KIF13A: variants seen among roughly 807,000 people sequenced by gnomAD.
KIF13A encodes the protein kinesin-like protein KIF13A.
In KIF13A, 79 loss-of-function variants were observed where a neutral mutation model predicts 212.2. The observed-to-expected ratio is 0.37, with a 90% CI of 0.31 to 0.45. The LOEUF is 0.45. KIF13A is among the 20% of genes least tolerant of loss of function. The pLI, the probability that KIF13A is intolerant of heterozygous loss-of-function variation, is 1.00. For missense variants in KIF13A, 1,901 were observed against 2,209.0 expected (o/e 0.86, Z 2.79); for synonymous variants, 789 against 808.6 (o/e 0.98, Z 0.41).
chr6:17,812,856 T>C (rs1336155792), intron 17 of KIF13A, among the ~76,000 whole-genome samples: 3 of 152,226 alleles, frequency 2.0e-5, no homozygotes, highest in Admixed American at 6.5e-5. Context: ...TTTTGACTTT[T>C]TAATAATAGC....
At chr6:17,952,944 G>A (rs1387370512) in intron 2 of KIF13A, among the ~76,000 whole-genome samples, 22 of 150,236 alleles carry the variant, frequency 1.5e-4, no homozygotes, top group Non-Finnish European at 2.8e-4. Context: ...AAAAAAAAGA[G>A]AAGCGAAGCG....
chr6:17,816,924 T>C lies in KIF13A; in HGVS notation c.2000+96A>G. The C allele has an allele frequency of 2.2e-6, 2 of 889,470 alleles. No individual in the cohort carries two copies. Among genetic ancestry groups the C allele is most frequent in the South Asian group, 3.4e-5 (2 of 58,910 alleles). 55.1% of individuals were successfully genotyped at this position (889,470 alleles called of 1,614,324 possible). A position where few individuals can be genotyped will look rare whatever the true frequency, so the allele number is the denominator to read the frequency against. On this transcript the variant is annotated intron_variant, in intron 17 of 38. Coordinates refer to ENST00000259711, the MANE Select transcript of KIF13A (RefSeq NM_022113.6). This position sits in a 1 kb window ranked among gnomAD's most constrained non-coding sequence, Gnocchi z 4.3. ...CGTATGGGATTAAGAGTTCTCTTGT[T>C]GCTAGGTTTGTCCCTGACATGTCTC... is the stretch of plus-strand genomic sequence containing the variant.
intron 2 of KIF13A, among the ~76,000 whole-genome samples, chr6:17,949,547 G>A (rs1484618151): frequency 6.6e-6 from 1 of 151,882 alleles, no homozygotes; most frequent in Non-Finnish European, 1.5e-5. Flanking sequence ...GGGGTAAAGA[G>A]GAGACAGGAA....
intron 14 of KIF13A, among the ~76,000 whole-genome samples, chr6:17,827,097 A>AT (rs1342649511): frequency 2.0e-5 from 3 of 151,214 alleles, no homozygotes; most frequent in African/African-American, 7.3e-5. Context: ...AAATAAAATA[A>AT]TTTTTTTTCT....
intron 2 of KIF13A, among the ~76,000 whole-genome samples, chr6:17,903,996 T>TA (rs112257911): frequency 2.2e-4 from 31 of 140,494 alleles, no homozygotes; most frequent in South Asian, 9.0e-4. Context: ...TTACTAAAAA[T>TA]AAAAAAAAAA....
intron 16 of KIF13A, among the ~76,000 whole-genome samples, chr6:17,822,105 T>C (rs945764946): frequency 1.3e-5 from 2 of 151,016 alleles, no homozygotes; most frequent in Admixed American, 6.7e-5. Flanking sequence ...AATGGTGCGA[T>C]CTCAGCTCTA....
At chr6:17,791,115 T>C (rs1339937291) in intron 25 of KIF13A, among the ~76,000 whole-genome samples, 1 of 152,100 alleles carries the variant, frequency 6.6e-6, no homozygotes, top group Non-Finnish European at 1.5e-5. Flanking sequence ...CTGCTTTTTT[T>C]TTTTTTTTAG....
chr6:17,914,394 T>A lies in KIF13A; in HGVS notation c.147-16214A>T, dbSNP rs778508220. Among the ~76,000 whole-genome samples, 1 of 152,034 alleles carries A rather than the reference T, an allele frequency of 6.6e-6. No individual in the cohort carries two copies. Among genetic ancestry groups the A allele is most frequent in the Non-Finnish European group, 1.5e-5 (1 of 68,000 alleles). ...AACCAGTTAATATAATTAAAAAAAA[T>A]TACAATAAAATACAAAACTTGAGAT... On this transcript the variant is annotated intron_variant, in intron 2 of 38. Coordinates refer to ENST00000259711, the MANE Select transcript of KIF13A (RefSeq NM_022113.6). The surrounding 1 kb of genome is among the most constrained non-coding windows in gnomAD (Gnocchi z 5.9).
At chr6:17,867,128 A>G (rs921401004) in intron 4 of KIF13A, among the ~76,000 whole-genome samples, 2 of 151,894 alleles carry the variant, frequency 1.3e-5, no homozygotes, top group Admixed American at 1.3e-4. Flanking sequence ...ATTTGCTCCT[A>G]AACTGTTCTA....
chr6:17,769,265 C>T lies in KIF13A; in HGVS notation c.4581+1849G>A, dbSNP rs1293295020. 1.3e-5 allele frequency among the ~76,000 whole-genome samples: 2 copies of T among 152,200 alleles called. No individual in the cohort carries two copies. The highest frequency in any genetic ancestry group is 2.9e-5 in the Non-Finnish European group (2 of 68,030). ...AATGCACTTAATCTCTACCAAAACACCTTGAAAAACTGCTGTCTGGAATGA... is the reference window on the plus strand; with the variant it reads ...AATGCACTTAATCTCTACCAAAACATCTTGAAAAACTGCTGTCTGGAATGA... On this transcript the variant is annotated intron_variant, in intron 38 of 38. Coordinates refer to ENST00000259711, the MANE Select transcript of KIF13A (RefSeq NM_022113.6). This position sits in a 1 kb window ranked among gnomAD's most constrained non-coding sequence, Gnocchi z 5.8.
rs189180734 is a variant in KIF13A at position 17,871,547 on chromosome 6, T to A, written c.220+1830A>T. On this transcript the variant is annotated intron_variant, in intron 4 of 38. Coordinates refer to ENST00000259711, the MANE Select transcript of KIF13A (RefSeq NM_022113.6). This position sits in a 1 kb window ranked among gnomAD's most constrained non-coding sequence, Gnocchi z 4.4. ...ACACAGTGGGTTGGGGGGGGAGTCA[T>A]GAATACTTAAAAAATTATTGTGAGA... Among the ~76,000 whole-genome samples, 1 of 152,144 alleles carries A rather than the reference T, an allele frequency of 6.6e-6. No individual in the cohort carries two copies. The highest frequency in any genetic ancestry group is 2.1e-4 in the South Asian group (1 of 4,828).
rs971497700 is a variant in KIF13A, at chr6:17,951,791, T to C, written c.146+35263A>G. Among the ~76,000 whole-genome samples the C allele has an allele frequency of 5.3e-5, 8 of 152,214 alleles. No homozygotes were observed. The highest frequency in any genetic ancestry group is 2.0e-4 in the Admixed American group (3 of 15,272). On this transcript the variant is annotated intron_variant, in intron 2 of 38. Coordinates refer to ENST00000259711, the MANE Select transcript of KIF13A (RefSeq NM_022113.6). This position sits in a 1 kb window ranked among gnomAD's most constrained non-coding sequence, Gnocchi z 4.9. ...GTTCATCAATGTTATATATGGCATG[T>C]CACCACTTTAATCCATTTTATAAAT...
chr6:17,797,378 A>C (rs531474171), intron 22 of KIF13A, among the ~76,000 whole-genome samples: 1 of 152,262 alleles, frequency 6.6e-6, no homozygotes, highest in East Asian at 1.9e-4. Context: ...CAAATTGTCC[A>C]AAGTCATACG....
Position 17,868,989 on chromosome 6 carries a change from C to CAAAAAA in KIF13A, c.220+4382_220+4387dup, listed in dbSNP as rs71002278. Among the ~76,000 whole-genome samples, 26 of 20,920 alleles carry CAAAAAA rather than the reference C, an allele frequency of 1.2e-3. 1 individual carries two copies. The highest frequency in any genetic ancestry group is 3.0e-3 in the African/African-American group (21 of 7,078). The allele number at this position is 20,920 out of a possible 152,430, so 13.7% of individuals were successfully genotyped here. ...TGGGCGACAGAGGGAGACTCCCTCT[C>CAAAAAA]AAAAAAAAAAAAAAAAAAAAAAAAA... On this transcript the variant is annotated intron_variant, in intron 4 of 38. Transcript: ENST00000259711.
rs765089174 is a variant in KIF13A, at chr6:17,836,909, T to G, written c.1124A>C (p.Glu375Ala). Residue 375 changes from glutamate (E) to alanine (A), a missense_variant, in exon 11 of 39, where the codon GAG (glutamate) becomes GCG (alanine). Around this residue, in one of 5 missense-constraint regions of KIF13A, gnomAD observed 506 missense variants for 637.4 expected, o/e 0.79. Transcript: ENST00000259711. ...KVIRELREEVEKLREQLSQAE... is the reference protein window; with the variant it reads ...KVIRELREEVAKLREQLSQAE... ...CTGAGAGAGCTGCTCTCTCAGTTTC[T>G]CGACTTCCTCCCGCAGTTCTCGGAT... 6.2e-7 allele frequency: 1 copy of G among 1,613,916 alleles called. No individual in the cohort carries two copies. The highest frequency in any genetic ancestry group is 8.5e-7 in the Non-Finnish European group (1 of 1,179,846).
At chr6:17,978,975 C>CA (rs756558132) in intron 2 of KIF13A, among the ~76,000 whole-genome samples, 27 of 152,118 alleles carry the variant, frequency 1.8e-4, no homozygotes, top group Non-Finnish European at 3.5e-4. Context: ...AACAGTGATG[C>CA]AAAAAGTATG....
At chr6:17,956,324 C>T (rs1056213603) in intron 2 of KIF13A, among the ~76,000 whole-genome samples, 1 of 152,196 alleles carries the variant, frequency 6.6e-6, no homozygotes, top group Non-Finnish European at 1.5e-5. Context: ...AGGTCCATTA[C>T]AAAGAAGGTC....
In KIF13A at chr6:17,787,834, T is replaced by G; in HGVS notation, c.3303A>C (p.Ala1101=). Residue 1101 remains alanine (A), a synonymous_variant, in exon 27 of 39, where the codon GCA becomes GCC. Transcript: ENST00000259711. The surrounding 1 kb of genome is among the most constrained non-coding windows in gnomAD (Gnocchi z 4.6). The part of the protein sequence containing the change: ...LNCVRERWSD[A]LIKRREYLDE... ...CCAGGTATTCTCGTCGTTTAATGAG[T>G]GCATCTGACCACCTCTCCCTTACGC... The G allele has an allele frequency of 4.3e-6, 7 of 1,613,422 alleles. No individual in the cohort carries two copies. The highest frequency in any genetic ancestry group is 5.9e-6 in the Non-Finnish European group (7 of 1,179,368).
At chr6:17,913,708 T>C (rs1236581527) in intron 2 of KIF13A, among the ~76,000 whole-genome samples, 6 of 152,114 alleles carry the variant, frequency 3.9e-5, no homozygotes, top group African/African-American at 1.4e-4. Context: ...AGAAAGGATC[T>C]GGTGTCAATC....
Sources: allele counts gnomAD v4.1 joint callset (sites outside exome capture counted in the v4.1 genomes callset), GRCh38; gene constraint gnomAD v4.1.1; regional missense constraint gnomAD v4.1.1; non-coding constraint Gnocchi (gnomAD v3.1); transcripts MANE v1.5; gene names NCBI Gene and HGNC (gene_info 2026-07-23, HGNC 2026-07-21).